SLC7A14: variants seen among roughly 807,000 people sequenced by gnomAD.
The protein encoded by SLC7A14 is solute carrier family 7 member 14, also known as gamma-aminobutyric acid transporter SLC7A14.
Under a neutral mutation model 60.2 loss-of-function variants are expected in SLC7A14, and 37 were observed. The observed-to-expected ratio is 0.61, with a 90% CI of 0.47 to 0.81. The LOEUF (loss-of-function observed/expected upper bound fraction) is 0.81, where lower values mean the gene tolerates loss of function less well. SLC7A14 is among the 30% of genes least tolerant of loss of function. The pLI is 0.00. For missense variants in SLC7A14, 886 were observed against 982.7 expected, an observed-to-expected ratio of 0.90 and a Z score of 1.32; for synonymous variants, 399 against 395.8, an observed-to-expected ratio of 1.01 and a Z score of -0.10.
intron 1 of SLC7A14, among the ~76,000 whole-genome samples, chr3:170,536,304 G>A (rs1174662285): frequency 6.6e-6 from 1 of 152,206 alleles, no homozygotes; most frequent in Non-Finnish European, 1.5e-5. Context: ...ATTAGCAGAA[G>A]TAGATCATAA....
At chr3:170,487,847 G>A (rs35067136) in intron 4 of SLC7A14, among the ~76,000 whole-genome samples, 15,302 of 152,164 alleles carry the variant, frequency 0.1, 1,101 homozygotes, top group African/African-American at 0.2. Context: ...AGTTGAATTA[G>A]CATTTCTTTC....
At chr3:170,584,134 A>T (rs1285304369) in intron 1 of SLC7A14, among the ~76,000 whole-genome samples, 1 of 152,228 alleles carries the variant, frequency 6.6e-6, no homozygotes, top group Admixed American at 6.5e-5. Context: ...TACCCAGCAG[A>T]TAGAGGTGTT....
intron 1 of SLC7A14, among the ~76,000 whole-genome samples, chr3:170,584,681 T>C (rs1715328218): frequency 6.6e-6 from 1 of 152,078 alleles, no homozygotes; most frequent in South Asian, 2.1e-4. Flanking sequence ...GCCCTGGCGG[T>C]ATTAGCACCC....
chr3:170,510,392 A>AT (rs1712935356), intron 2 of SLC7A14, among the ~76,000 whole-genome samples: 1 of 137,482 alleles, frequency 7.3e-6, no homozygotes, highest in Non-Finnish European at 1.5e-5. Context: ...TCTGTCAAAA[A>AT]AAAAAAAATA....
chr3:170,478,682 C>T lies in SLC7A14; in HGVS notation c.1993+1607G>A, dbSNP rs189528856. 7.8e-4 allele frequency among the ~76,000 whole-genome samples: 119 copies of T among 152,244 alleles called. 3 individuals carry two copies. In the East Asian group the frequency reaches 0.017, roughly 22 times the overall value. ...TCTGGCAATTCTGACTGGAAGTTTT[C>T]CTTTTTCCCCTTTGAAGAGTACTTT... On this transcript the variant is annotated intron_variant, in intron 7 of 7. Coordinates refer to ENST00000231706, the MANE Select transcript of SLC7A14 (RefSeq NM_020949.3).
At chr3:170,521,323 G>C (rs1274157206) in intron 2 of SLC7A14, among the ~76,000 whole-genome samples, 1 of 152,210 alleles carries the variant, frequency 6.6e-6, no homozygotes, top group Non-Finnish European at 1.5e-5. Context: ...GAATGGTGCG[G>C]CAAGGCCAAA....
chr3:170,497,844 T>G (rs542037476), intron 4 of SLC7A14, among the ~76,000 whole-genome samples: 1 of 152,362 alleles, frequency 6.6e-6, no homozygotes, highest in African/African-American at 2.4e-5. Context: ...TAAACCGCAC[T>G]AGCCAGATCA....
At chr3:170,479,030 G>C (rs1446763147) in intron 7 of SLC7A14, among the ~76,000 whole-genome samples, 1 of 152,162 alleles carries the variant, frequency 6.6e-6, no homozygotes, top group African/African-American at 2.4e-5. Context: ...GCTGAGGCAG[G>C]AGAATTGCTT....
intron 1 of SLC7A14, among the ~76,000 whole-genome samples, chr3:170,554,775 T>A (rs1434548285): frequency 6.6e-6 from 1 of 152,244 alleles, no homozygotes. Context: ...ATCCTTAGGT[T>A]ATTTGCCCTC....
rs1158795114 is a variant in SLC7A14, at chr3:170,480,890, A to G, written c.1392T>C (p.Cys464=). The G allele has an allele frequency of 1.4e-5, 23 of 1,613,954 alleles. 1 individual carries two copies. The Admixed American group carries it at 3.2e-4, about 22-fold the overall frequency. ...ACTCATCCCCCTCACTCACAGGAGA[A>G]CAAGCTTCCTTCTCACAGTCAGCCA... ...GILADCEKEA[C]SPVSEGDEFS... The change falls in exon 7 of 8, where the codon TGT becomes TGC. Residue 464 remains cysteine (C), a synonymous_variant. Transcript: ENST00000231706.
chr3:170,526,952 A>C lies in SLC7A14; in HGVS notation c.-16T>G, dbSNP rs1452121682. On this transcript the variant is annotated 5_prime_UTR_variant, in exon 2 of 8. Coordinates refer to ENST00000231706, the MANE Select transcript of SLC7A14 (RefSeq NM_020949.3). ...AGCCACTCATCTTGAGCGATAGGGG[A>C]TGCAGTGAAGGTCAGCTGATGGAAG... The C allele has an allele frequency of 6.2e-7, 1 of 1,606,692 alleles. No individual in the cohort carries two copies. Among genetic ancestry groups the C allele is most frequent in the Non-Finnish European group, 8.5e-7 (1 of 1,176,508 alleles).
intron 1 of SLC7A14, among the ~76,000 whole-genome samples, chr3:170,569,019 T>C (rs1300326598): frequency 6.6e-6 from 1 of 152,198 alleles, no homozygotes; most frequent in Non-Finnish European, 1.5e-5. Context: ...CCCTGCCTAA[T>C]TGCCCTGGCC....
intron 7 of SLC7A14, 55 bp from the exon 8 acceptor site, chr3:170,467,432 G>A (rs1739749522): frequency 1.6e-5 from 19 of 1,157,338 alleles, no homozygotes; most frequent in Middle Eastern, 3.8e-4. Context: ...GGGATCCTGG[G>A]ACTAGCAGAG....
intron 1 of SLC7A14, among the ~76,000 whole-genome samples, chr3:170,554,526 A>G (rs1407992131): frequency 6.6e-6 from 1 of 152,180 alleles, no homozygotes. Context: ...AAGAGCCAGC[A>G]CTAGGCCTTT....
At position 170,475,271 on chromosome 3, in the gene SLC7A14, T is replaced by A. The variant is rs114592340; in HGVS notation, c.1993+5018A>T. The stretch of plus-strand genomic sequence containing the variant: ...ACAAAAATGCCGCAATTAAGATTTA[T>A]TTAGAAAAGCTTGGATAAAAAAATG... On this transcript the variant is annotated intron_variant, in intron 7 of 7. Coordinates refer to ENST00000231706, the MANE Select transcript of SLC7A14 (RefSeq NM_020949.3). 8.2e-3 allele frequency among the ~76,000 whole-genome samples: 1,245 copies of A among 152,362 alleles called. 25 individuals are homozygous for A. The highest frequency in any genetic ancestry group is 0.028 in the African/African-American group (1,176 of 41,582).
chr3:170,507,837 C>G (rs367713574), intron 2 of SLC7A14, among the ~76,000 whole-genome samples: 1 of 152,270 alleles, frequency 6.6e-6, no homozygotes, highest in East Asian at 1.9e-4. Context: ...GTGGGAGAAC[C>G]GAGGCTGGTC....
chr3:170,464,059 G>A lies in SLC7A14; in HGVS notation c.*2996C>T, dbSNP rs1437262336. 6.6e-6 allele frequency: 1 copy of A among 152,138 alleles called. No individual in the cohort carries two copies. The highest frequency in any genetic ancestry group is 6.5e-5 in the Admixed American group (1 of 15,270). 9.4% of individuals were successfully genotyped at this position (152,138 alleles called of 1,614,324 possible). On this transcript the variant is annotated 3_prime_UTR_variant, in exon 8 of 8. Transcript: ENST00000231706. ...AAGCATGTCAGGGTTCTGCATTTAT[G>A]TACTAAATATACGTCTAGTTTTGTC...
At chr3:170,553,470 A>G (rs980165053) in intron 1 of SLC7A14, among the ~76,000 whole-genome samples, 4 of 135,516 alleles carry the variant, frequency 3.0e-5, no homozygotes, top group Non-Finnish European at 6.8e-5. Flanking sequence ...TAACATTGTC[A>G]TCATCGTCGT....
intron 1 of SLC7A14, among the ~76,000 whole-genome samples, chr3:170,577,099 A>T (rs149625712): frequency 6.6e-6 from 1 of 152,192 alleles, no homozygotes; most frequent in East Asian, 1.9e-4. Flanking sequence ...TTTCCTCTGG[A>T]CTAACTCTAT....
Sources: gnomAD v4.1 joint callset for allele counts (sites outside exome capture counted in the v4.1 genomes callset) on GRCh38, gnomAD v4.1.1 for gene constraint, MANE v1.5 for transcripts, NCBI Gene and HGNC (gene_info 2026-07-23, HGNC 2026-07-21) for gene names.